The following MECR variants were observed in gnomAD, a reference collection of about 807,000 sequenced individuals.
MECR encodes enoyl-[acyl-carrier-protein] reductase, mitochondrial.
In MECR, 37 loss-of-function variants were observed where a neutral mutation model predicts 49.1. The ratio of observed to expected loss-of-function variants is 0.75; its 90% CI spans 0.58 to 0.99. The LOEUF (loss-of-function observed/expected upper bound fraction) is 0.99, where lower values mean the gene tolerates loss of function less well. MECR is among the 50% of genes least tolerant of loss of function. MECR has a pLI of 0.00. For synonymous variants in MECR, 198 were observed against 191.1 expected, an observed-to-expected ratio of 1.04 and a Z score of -0.30; for missense variants, 470 against 479.6, an observed-to-expected ratio of 0.98 and a Z score of 0.19.
chr1:29,174,951 C>T, the MECR span, among the ~76,000 whole-genome samples: 15 of 145,886 alleles, frequency 1.0e-4, no homozygotes, highest in South Asian at 4.3e-4. Context: ...GGATTATAGG[C>T]GTGAGCCACC....
chr1:29,208,213 A>C (rs760599912), intron 3 of MECR, among the ~76,000 whole-genome samples: 2 of 152,124 alleles, frequency 1.3e-5, no homozygotes, highest in Non-Finnish European at 2.9e-5. Flanking sequence ...GCTGGTCTCG[A>C]ACTCCTGACC....
At chr1:29,223,299 G>A in intron 1 of MECR, 1 of 985,434 alleles carries the variant, frequency 1.0e-6, no homozygotes, top group Non-Finnish European at 1.2e-6. Context: ...ACAAAAGCAG[G>A]CAGAAGAAAG....
Position 29,216,099 on chromosome 1 carries a change from T to C in MECR, c.312A>G (p.Gly104=), listed in dbSNP as rs1330422182. Residue 104 remains glycine (G), a synonymous_variant, in exon 3 of 10, where the codon GGA becomes GGG. Coordinates refer to ENST00000263702, the MANE Select transcript of MECR (RefSeq NM_016011.5). ...YGFLPELPAV[G]GNEGVAQVVA... ...CCACCTGTGCAACACCTTCGTTCCC[T>C]CCAACAGCAGGCAGTTCAGGAAGGA... The C allele has an allele frequency of 1.2e-6, 2 of 1,614,028 alleles. No homozygotes were observed. Among genetic ancestry groups the C allele is most frequent in the East Asian group, 4.5e-5 (2 of 44,870 alleles).
At chr1:29,179,477 A>G in the MECR span, among the ~76,000 whole-genome samples, 1 of 152,156 alleles carries the variant, frequency 6.6e-6, no homozygotes, top group Non-Finnish European at 1.5e-5. Flanking sequence ...CTCCTGCCTC[A>G]TCCTCTGAAG....
downstream of MECR, among the ~76,000 whole-genome samples, chr1:29,192,184 T>G (rs1461666065): frequency 6.6e-6 from 1 of 152,172 alleles, no homozygotes. Flanking sequence ...GGGTAAGCCC[T>G]GACATCATGG....
the MECR span, among the ~76,000 whole-genome samples, chr1:29,175,694 C>CAAAAAAAA: frequency 0.017 from 649 of 38,570 alleles, 73 homozygotes; most frequent in East Asian, 0.068. Flanking sequence ...GACGCTGTCT[C>CAAAAAAAA]AAAAAAAAAA....
Position 29,194,076 on chromosome 1 carries a change from GGCAGACTGGTAGTCCT to G in MECR, c.1052_1067del (p.Gln351ProfsTer6). On this transcript the variant is annotated frameshift_variant, in exon 10 of 10. Coordinates refer to ENST00000263702, the MANE Select transcript of MECR (RefSeq NM_016011.5). LOFTEE classifies it high-confidence loss of function. ...TGAAGGGCTTCATGGAGGCTTCCAA[GGCAGACTGGTAGTCCT>G]GCAGCGGGACCTGGGAGCAGGCAGG... 2.5e-6 allele frequency: 4 copies of G among 1,614,178 alleles called. No individual in the cohort carries two copies. Among genetic ancestry groups the G allele is most frequent in the Non-Finnish European group, 3.4e-6 (4 of 1,180,030 alleles).
rs1311423031 is a variant in MECR at position 29,206,795 on chromosome 1, T to A, written c.517A>T (p.Arg173Trp). Residue 173 changes from arginine (R) to tryptophan (W), a missense_variant, in exon 4 of 10, where the codon AGG becomes TGG. By Grantham distance (101) the Arg-to-Trp change is moderately radical. Coordinates refer to ENST00000263702, the MANE Select transcript of MECR (RefSeq NM_016011.5). ...TLGVNPCTAY[R>W]MLMDFEQLQP... ...AGTTGCTCGAAGTCCATCAACATCC[T>A]GTAGGCTGTGCAGGGATTGACACCC... 6.2e-7 allele frequency: 1 copy of A among 1,614,178 alleles called. No homozygotes were observed. The highest frequency in any genetic ancestry group is 1.7e-5 in the Admixed American group (1 of 60,018).
At chr1:29,182,733 G>A in the MECR span, among the ~76,000 whole-genome samples, 573 of 152,244 alleles carry the variant, frequency 3.8e-3, 17 homozygotes, top group East Asian at 0.064. Context: ...TAGGAGAGAG[G>A]AAGTTTCACC....
At position 29,201,791 on chromosome 1, in the gene MECR, G is replaced by A. The variant is rs1025829152; in HGVS notation, c.756+152C>T. On this transcript the variant is annotated intron_variant, in intron 6 of 9. Transcript: ENST00000263702. The surrounding 1 kb of genome is among the most constrained non-coding windows in gnomAD (Gnocchi z 4.3). Reference sequence around the variant, plus strand: ...ACTTAATGCGTGCTGCCTGCCGCCTGGCTAGGGGGAATGGGCTTTAACCAA... The same window carrying A: ...ACTTAATGCGTGCTGCCTGCCGCCTAGCTAGGGGGAATGGGCTTTAACCAA... 4 of 718,912 alleles carry A rather than the reference G, an allele frequency of 5.6e-6. No individual in the cohort carries two copies. Among genetic ancestry groups the A allele is most frequent in the Non-Finnish European group, 9.9e-6 (4 of 404,950 alleles). The allele number at this position is 718,912 out of a possible 1,614,324, so 44.5% of individuals were successfully genotyped here.
the MECR span, among the ~76,000 whole-genome samples, chr1:29,183,038 CTTGT>C: frequency 5.3e-5 from 8 of 152,108 alleles, no homozygotes; most frequent in East Asian, 1.9e-4. Flanking sequence ...TGTTTCTTTG[CTTGT>C]TTTTGTTTTT....
intron 1 of MECR, among the ~76,000 whole-genome samples, chr1:29,228,327 T>C (rs1682615141): frequency 6.6e-6 from 1 of 151,442 alleles, no homozygotes; most frequent in East Asian, 1.9e-4. Flanking sequence ...GAAGCCAAAG[T>C]TGAATATAAT....
At chr1:29,226,167 TAAAAAAAAAA>T (rs57234529) in intron 1 of MECR, among the ~76,000 whole-genome samples, 2 of 44,362 alleles carry the variant, frequency 4.5e-5, no homozygotes, top group East Asian at 6.4e-4. Flanking sequence ...AGGCTCTATC[TAAAAAAAAAA>T]AAAAAAAAAA....
the MECR span, among the ~76,000 whole-genome samples, chr1:29,183,625 G>GTTTGAGATATA: frequency 6.6e-6 from 1 of 152,110 alleles, no homozygotes; most frequent in Non-Finnish European, 1.5e-5. Flanking sequence ...TTCTTCATAT[G>GTTTGAGATATA]TTTGAGATAT....
At position 29,202,018 on chromosome 1, in the gene MECR, T is replaced by G; in HGVS notation, c.681A>C (p.Arg227Ser). ...DRPDIQKLSD[R>S]LKSLGAEHVI... ...CATGCTCAGCCCCCAGACTCTTCAG[T>G]CTGTCACTCAGCTTCTGGATATCAG... Residue 227 changes from arginine to serine, a missense_variant, in exon 6 of 10, where the codon AGA becomes AGC. By Grantham distance (110) the Arg-to-Ser change is moderately radical. Coordinates refer to ENST00000263702, the MANE Select transcript of MECR (RefSeq NM_016011.5). The G allele has an allele frequency of 6.2e-7, 1 of 1,614,196 alleles. No individual in the cohort carries two copies. The highest frequency in any genetic ancestry group is 8.5e-7 in the Non-Finnish European group (1 of 1,180,022).
At chr1:29,171,818 T>C in the MECR span, 2 of 152,170 alleles carry the variant, frequency 1.3e-5, no homozygotes, top group Non-Finnish European at 2.9e-5. Flanking sequence ...ATACTTCGTA[T>C]GGCCCTTAAA....
At position 29,201,541 on chromosome 1, in the gene MECR, T is replaced by C; in HGVS notation, c.756+402A>G. On this transcript the variant is annotated intron_variant, in intron 6 of 9. Transcript: ENST00000263702. The surrounding 1 kb of genome is among the most constrained non-coding windows in gnomAD (Gnocchi z 4.3). Reference sequence around the variant, plus strand: ...AATCTGTAAAACAGATAACAGTTCCTTTGAAAAGCTTTTGTGGAAATCATC... The same window carrying C: ...AATCTGTAAAACAGATAACAGTTCCCTTGAAAAGCTTTTGTGGAAATCATC... 1 of 457,618 alleles carries C rather than the reference T, an allele frequency of 2.2e-6. No individual in the cohort carries two copies. The highest frequency in any genetic ancestry group is 4.4e-6 in the Non-Finnish European group (1 of 225,908). 28.3% of individuals were successfully genotyped at this position (457,618 alleles called of 1,614,324 possible). A position where few individuals can be genotyped will look rare whatever the true frequency, so the allele number is the denominator to read the frequency against.
At chr1:29,173,292 C>G in the MECR span, 8 of 151,402 alleles carry the variant, frequency 5.3e-5, no homozygotes, top group African/African-American at 1.9e-4. Flanking sequence ...CGCAGGCCAA[C>G]AGGCCCGGCT....
At chr1:29,177,283 G>T in the MECR span, among the ~76,000 whole-genome samples, 171 of 137,828 alleles carry the variant, frequency 1.2e-3, no homozygotes, top group African/African-American at 3.2e-3. Context: ...AACTCTTTTT[G>T]TTTTTTTTTT....
Sources: gnomAD v4.1 joint callset for allele counts (sites outside exome capture counted in the v4.1 genomes callset) on GRCh38, gnomAD v4.1.1 for gene constraint, Gnocchi (gnomAD v3.1) non-coding constraint, MANE v1.5 for transcripts, NCBI Gene and HGNC (gene_info 2026-07-23, HGNC 2026-07-21) for gene names.